The following BEAN1 variants were observed in gnomAD, a reference collection of about 807,000 sequenced individuals.
The protein encoded by BEAN1 is protein BEAN1.
BEAN1 carries 17 observed loss-of-function variants against 17.7 expected under a neutral mutation model. The ratio of observed to expected loss-of-function variants is 0.96; its 90% CI spans 0.66 to 1.44. The LOEUF is 1.44. Ranked by LOEUF, BEAN1 falls within the 40% of genes most tolerant of loss-of-function variation. The pLI is 0.00. For missense variants in BEAN1, 359 were observed against 374.1 expected (o/e 0.96, Z 0.33); for synonymous variants, 142 against 151.8 (o/e 0.94, Z 0.47).
downstream of BEAN1, chr16:66,483,399 A>C (rs1964039295): frequency 6.5e-6 from 1 of 153,110 alleles, no homozygotes; most frequent in Admixed American, 6.5e-5. Context: ...TCAGGACCTG[A>C]CTCTAGGAAC....
intron 1 of BEAN1, among the ~76,000 whole-genome samples, chr16:66,436,529 C>T (rs570398000): frequency 1.3e-5 from 2 of 150,816 alleles, no homozygotes; most frequent in Admixed American, 6.6e-5. Context: ...CTGCCCGCCT[C>T]GGCCTCCCAA....
At chr16:66,432,962 T>C (rs1398661275) in intron 1 of BEAN1, among the ~76,000 whole-genome samples, 1 of 152,236 alleles carries the variant, frequency 6.6e-6, no homozygotes, top group Non-Finnish European at 1.5e-5. Context: ...CTGTTTTTCC[T>C]GTACTGTTAG....
intron 4 of BEAN1, among the ~76,000 whole-genome samples, chr16:66,491,444 G>A (rs1314444988): frequency 2.0e-5 from 3 of 152,198 alleles, no homozygotes; most frequent in African/African-American, 7.2e-5. Context: ...TCTGCCTCTG[G>A]GAGAAACAGC....
rs1373497294 is a variant in BEAN1, at chr16:66,481,114, A to C, written c.*189A>C. The C allele has an allele frequency of 2.0e-6, 1 of 489,378 alleles. No individual in the cohort carries two copies. The highest frequency in any genetic ancestry group is 3.5e-6 in the Non-Finnish European group (1 of 284,208). The allele number at this position is 489,378 out of a possible 1,614,324, so 30.3% of individuals were successfully genotyped here. ...ACACACAGATCTAGACGTGCTCCAC[A>C]TATGTGTGAATATGCGCACATACAG... On this transcript the variant is annotated 3_prime_UTR_variant, in exon 5 of 5. Transcript: ENST00000536005. The surrounding 1 kb of genome is among the most constrained non-coding windows in gnomAD (Gnocchi z 4.1).
Position 66,434,925 on chromosome 16 carries a change from G to A in BEAN1, c.-82-2670G>A, listed in dbSNP as rs888324476. On this transcript the variant is annotated intron_variant, in intron 1 of 4. Coordinates refer to ENST00000536005, the MANE Select transcript of BEAN1 (RefSeq NM_001178020.3). This position sits in a 1 kb window ranked among gnomAD's most constrained non-coding sequence, Gnocchi z 4.3. The stretch of plus-strand genomic sequence containing the variant: ...TGCAGAGGCCACACTGACCCTCCAT[G>A]CCCTCGAGGAGCTACTGGTCTAGAA... Among the ~76,000 whole-genome samples the A allele has an allele frequency of 2.6e-5, 4 of 152,056 alleles. No individual in the cohort carries two copies. Among genetic ancestry groups the A allele is most frequent in the Admixed American group, 1.3e-4 (2 of 15,248 alleles).
chr16:66,488,518 CAAAAA>C (rs35976761), intron 4 of BEAN1, among the ~76,000 whole-genome samples: 1 of 49,250 alleles, frequency 2.0e-5, no homozygotes, highest in East Asian at 5.8e-4. Context: ...TTATCACTAC[CAAAAA>C]AAAAAAAAAA....
At chr16:66,475,212 T>G (rs192948722) in intron 3 of BEAN1, among the ~76,000 whole-genome samples, 158 of 152,012 alleles carry the variant, frequency 1.0e-3, no homozygotes, top group African/African-American at 3.7e-3. Flanking sequence ...CAAATGGGAG[T>G]GGCGGGTGCA....
At chr16:66,456,045 G>A (rs1488536790) in intron 2 of BEAN1, among the ~76,000 whole-genome samples, 1 of 152,200 alleles carries the variant, frequency 6.6e-6, no homozygotes, top group Non-Finnish European at 1.5e-5. Context: ...ATAAGGCAAA[G>A]CCCAACTCCA....
At chr16:66,474,576 G>GGAA (rs1963626671) in intron 3 of BEAN1, among the ~76,000 whole-genome samples, 1 of 59,778 alleles carries the variant, frequency 1.7e-5, no homozygotes. Flanking sequence ...GAGAGAGGGA[G>GGAA]GGAGAGAGGG....
intron 1 of BEAN1, among the ~76,000 whole-genome samples, chr16:66,430,331 A>G (rs1050393214): frequency 8.5e-5 from 13 of 152,312 alleles, no homozygotes; most frequent in African/African-American, 3.1e-4. Context: ...AATTCTGATA[A>G]CCAGCTCTCT....
At position 66,441,638 on chromosome 16, in the gene BEAN1, G is replaced by A. The variant is rs138914955; in HGVS notation, c.25+3937G>A. Among the ~76,000 whole-genome samples the A allele has an allele frequency of 2.8e-3, 430 of 152,260 alleles. 1 individual carries two copies. The highest frequency in any genetic ancestry group is 4.4e-3 in the Non-Finnish European group (297 of 68,034). The stretch of plus-strand genomic sequence containing the variant: ...TGCAGAAGGTAAAACAAGCCCAAAC[G>A]TTTCCCAAGCAAGACCCTGCCCCTA... On this transcript the variant is annotated intron_variant, in intron 2 of 4. Transcript: ENST00000536005.
downstream of BEAN1, chr16:66,484,392 C>G: frequency 2.8e-6 from 1 of 358,290 alleles, no homozygotes; most frequent in South Asian, 2.1e-5. The surrounding 1 kb of genome is among the most constrained non-coding windows in gnomAD (Gnocchi z 4.2). Context: ...GACTGTCACG[C>G]TCTTGGCTTT....
At chr16:66,474,945 G>A (rs1418773352) in intron 3 of BEAN1, among the ~76,000 whole-genome samples, 1 of 152,090 alleles carries the variant, frequency 6.6e-6, no homozygotes, top group Admixed American at 6.5e-5. Context: ...CCCACAGTGG[G>A]GTGTGAGGTA....
rs1024105874 is a variant in BEAN1, at chr16:66,473,714, A to AAATGAAT, written c.290-3843_290-3842insGAATAAT. On this transcript the variant is annotated intron_variant, in intron 3 of 4. Coordinates refer to ENST00000536005, the MANE Select transcript of BEAN1 (RefSeq NM_001178020.3). The surrounding 1 kb of genome is among the most constrained non-coding windows in gnomAD (Gnocchi z 4.5). Reference sequence around the variant, plus strand: ...CCTGTCTCTAAATAAATAAATAAATAAATAAATAATAAATAATAAATAAAG... The same window carrying AAATGAAT: ...CCTGTCTCTAAATAAATAAATAAATAAATGAATAATAAATAATAAATAATAAATAAAG... 2.6e-5 allele frequency among the ~76,000 whole-genome samples: 4 copies of AAATGAAT among 151,812 alleles called. No individual in the cohort carries two copies. Among genetic ancestry groups the AAATGAAT allele is most frequent in the African/African-American group, 9.7e-5 (4 of 41,278 alleles).
chr16:66,491,427 T>C (rs917897798), intron 4 of BEAN1, among the ~76,000 whole-genome samples: 2 of 150,232 alleles, frequency 1.3e-5, no homozygotes, highest in Non-Finnish European at 3.0e-5. Context: ...CAGCCAGGGG[T>C]TGGGGCTCTG....
At chr16:66,478,347 T>C (rs1489105677) in intron 4 of BEAN1, among the ~76,000 whole-genome samples, 2 of 152,216 alleles carry the variant, frequency 1.3e-5, no homozygotes, top group Non-Finnish European at 2.9e-5. Context: ...CTCACGCCTG[T>C]AATCCCAGCA....
At chr16:66,438,235 T>C (rs1962108396) in intron 2 of BEAN1, among the ~76,000 whole-genome samples, 1 of 151,912 alleles carries the variant, frequency 6.6e-6, no homozygotes, top group South Asian at 2.1e-4. Context: ...AATACAAACA[T>C]TAGCTGGGCA....
intron 4 of BEAN1, among the ~76,000 whole-genome samples, chr16:66,489,561 G>C (rs1964136494): frequency 6.6e-6 from 1 of 152,182 alleles, no homozygotes; most frequent in African/African-American, 2.4e-5. Flanking sequence ...GTGTGAATGA[G>C]TAGCACCCAC....
chr16:66,436,114 G>A (rs1364424418), intron 1 of BEAN1, among the ~76,000 whole-genome samples: 2 of 152,142 alleles, frequency 1.3e-5, no homozygotes, highest in African/African-American at 4.8e-5. Flanking sequence ...AATGCCCACA[G>A]GTGCAGTTTC....
Sources: allele counts gnomAD v4.1 joint callset (sites outside exome capture counted in the v4.1 genomes callset), GRCh38; gene constraint gnomAD v4.1.1; non-coding constraint Gnocchi (gnomAD v3.1); transcripts MANE v1.5; gene names NCBI Gene and HGNC (gene_info 2026-07-23, HGNC 2026-07-21).